GLOD4: variants seen among roughly 807,000 people sequenced by gnomAD.
GLOD4 encodes the protein glyoxalase domain containing 4.
A neutral mutation model predicts 39.1 loss-of-function variants in GLOD4; 44 were observed. That is an observed-to-expected ratio of 1.13 (90% CI 0.88 to 1.45). The LOEUF is 1.45. Among genes scored for constraint, GLOD4 ranks in the 40% most tolerant of loss-of-function variants. GLOD4 has a pLI of 0.00. For synonymous variants in GLOD4, 145 were observed against 135.0 expected (o/e 1.07, Z -0.52); for missense variants, 405 against 366.4 (o/e 1.11, Z -0.86).
At chr17:776,835 G>A in intron 3 of GLOD4, 33 bp downstream of exon 3, 2 of 1,582,792 alleles carry the variant, frequency 1.3e-6, no homozygotes, top group Non-Finnish European at 8.7e-7. Flanking sequence ...CCTACCCCCA[G>A]CCAAAACTCT....
At chr17:773,999 T>C (rs945211741) in intron 4 of GLOD4, among the ~76,000 whole-genome samples, 19 of 152,278 alleles carry the variant, frequency 1.2e-4, no homozygotes, top group South Asian at 1.0e-3. Flanking sequence ...CTTAGCACCA[T>C]GGGGCTCTCT....
At position 781,847 on chromosome 17, in the gene GLOD4, A is replaced by G. The variant is rs1315592311; in HGVS notation, c.90+319T>C. ...ACAAATATTAACTAGAAAGCATTAT[A>G]TAACATTTTATTTACCGTCTTTTCC... On this transcript the variant is annotated intron_variant, in intron 1 of 8. Transcript: ENST00000301329. The G allele has an allele frequency of 3.2e-5, 12 of 369,636 alleles. 1 individual carries two copies. In the Middle Eastern group the frequency reaches 2.2e-3, roughly 69 times the overall value. 22.9% of individuals were successfully genotyped at this position (369,636 alleles called of 1,614,324 possible).
intron 8 of GLOD4, among the ~76,000 whole-genome samples, chr17:762,328 C>G (rs1274658915): frequency 6.6e-5 from 10 of 152,246 alleles, no homozygotes; most frequent in Admixed American, 5.9e-4. Context: ...CAACTGGGAT[C>G]ACAGACACGC....
At chr17:782,358 G>GCA, upstream of GLOD4, 1 of 1,613,058 alleles carries the variant, frequency 6.2e-7, no homozygotes, top group Non-Finnish European at 8.5e-7. Context: ...CTTTCGTGAC[G>GCA]CAGCCCGGGT....
At chr17:768,352 C>T (rs183423303) in intron 8 of GLOD4, among the ~76,000 whole-genome samples, 593 of 144,790 alleles carry the variant, frequency 4.1e-3, no homozygotes, top group East Asian at 0.013. Context: ...AAACAGCGCG[C>T]ACTCAGATTT....
chr17:784,667 G>A (rs1335332585), upstream of GLOD4, among the ~76,000 whole-genome samples: 2 of 152,160 alleles, frequency 1.3e-5, no homozygotes, highest in African/African-American at 4.8e-5. Flanking sequence ...TTAGATTTGA[G>A]GGCAGGGAAT....
At chr17:776,047 C>G (rs1908887620) in intron 3 of GLOD4, 128 bp from the exon 4 acceptor site, 2 of 672,580 alleles carry the variant, frequency 3.0e-6, no homozygotes, top group African/African-American at 1.8e-5. Context: ...TGGCATCCAA[C>G]ATTTTCTTCT....
chr17:775,993 C>A (rs1908881759), intron 3 of GLOD4, 74 bp from the exon 4 acceptor site: 2 of 1,179,490 alleles, frequency 1.7e-6, no homozygotes, highest in Admixed American at 2.0e-5. Context: ...TGAGCCCAAC[C>A]CCTATTGCCT....
At chr17:782,449 T>C, upstream of GLOD4, 1 of 1,613,950 alleles carries the variant, frequency 6.2e-7, no homozygotes, top group East Asian at 2.2e-5. Context: ...GCTTGGGACC[T>C]TGACGCGAGG....
At chr17:782,558 G>A (rs755251202), upstream of GLOD4, 54 of 1,613,944 alleles carry the variant, frequency 3.3e-5, no homozygotes, top group Non-Finnish European at 2.5e-6. Context: ...AGCCCCGCAA[G>A]GCACCATCTG....
intron 4 of GLOD4, among the ~76,000 whole-genome samples, chr17:772,013 CAAAAAAAAAA>C (rs67745456): frequency 3.9e-5 from 2 of 50,992 alleles, no homozygotes; most frequent in Admixed American, 3.0e-4. Flanking sequence ...AACTCTGTCT[CAAAAAAAAAA>C]AAAAAAAAAA....
chr17:784,431 T>C (rs1191715938), upstream of GLOD4, among the ~76,000 whole-genome samples: 1 of 152,182 alleles, frequency 6.6e-6, no homozygotes, highest in Non-Finnish European at 1.5e-5. Flanking sequence ...GTGAAAGTGT[T>C]ATTCATTTTT....
intron 8 of GLOD4, among the ~76,000 whole-genome samples, chr17:769,337 G>A (rs752179260): frequency 1.3e-5 from 2 of 149,254 alleles, no homozygotes; most frequent in Non-Finnish European, 1.5e-5. Context: ...TGGGATGGAG[G>A]CATCTCCATG....
At chr17:766,875 G>T (rs952767242) in intron 8 of GLOD4, among the ~76,000 whole-genome samples, 2 of 152,148 alleles carry the variant, frequency 1.3e-5, no homozygotes, top group Admixed American at 1.3e-4. Flanking sequence ...CTCCACCCTG[G>T]GCGACAGAGC....
upstream of GLOD4, among the ~76,000 whole-genome samples, chr17:784,479 G>T (rs1487961610): frequency 6.6e-6 from 1 of 151,658 alleles, no homozygotes; most frequent in African/African-American, 2.4e-5. Flanking sequence ...GCTCACAGTG[G>T]CCAGCCCATC....
At chr17:782,295 C>T (rs781144831), upstream of GLOD4, 13 of 1,611,618 alleles carry the variant, frequency 8.1e-6, no homozygotes, top group African/African-American at 1.7e-4. Context: ...ACCGTACAGC[C>T]CAGTCCACGA....
chr17:768,284 G>A (rs370915906), intron 8 of GLOD4, among the ~76,000 whole-genome samples: 25 of 146,868 alleles, frequency 1.7e-4, no homozygotes, highest in East Asian at 1.3e-3. Context: ...GTGAGAGAGA[G>A]AAACAGGGCG....
upstream of GLOD4, chr17:782,302 A>G (rs1264947660): frequency 6.2e-7 from 1 of 1,611,706 alleles, no homozygotes; most frequent in South Asian, 1.1e-5. Context: ...AGCCCAGTCC[A>G]CGAAGGGCGC....
Position 782,260 on chromosome 17 carries a change from C to T in GLOD4, c.-5G>A, listed in dbSNP as rs534947184. 7 of 1,613,334 alleles carry T rather than the reference C, an allele frequency of 4.3e-6. No homozygotes were observed. The South Asian group carries it at 5.5e-5, about 13-fold the overall frequency. On this transcript the variant is annotated 5_prime_UTR_variant, in exon 1 of 9. Transcript: ENST00000301329. ...CAGAGCTCTGCGAGCAGCCATGATTCCCGCCGCACGCAGCCGTCACGCGCA... is the reference window on the plus strand; with the variant it reads ...CAGAGCTCTGCGAGCAGCCATGATTTCCGCCGCACGCAGCCGTCACGCGCA...
Sources: gnomAD v4.1 joint callset for allele counts (sites outside exome capture counted in the v4.1 genomes callset) on GRCh38, gnomAD v4.1.1 for gene constraint, MANE v1.5 for transcripts, NCBI Gene and HGNC (gene_info 2026-07-23, HGNC 2026-07-21) for gene names.